The following EDNRB variants were observed in gnomAD, a reference collection of about 807,000 sequenced individuals.
EDNRB encodes endothelin receptor type B, also known as Hirschsprung disease 2.
Under a neutral mutation model 46.4 loss-of-function variants are expected in EDNRB, and 18 were observed. The ratio of observed to expected loss-of-function variants is 0.39; its 90% CI spans 0.27 to 0.57. EDNRB has a LOEUF of 0.57. EDNRB is among the 20% of genes least tolerant of loss of function. EDNRB has a pLI of 0.61. For synonymous variants in EDNRB, 213 were observed against 204.9 expected (o/e 1.04, Z -0.34); for missense variants, 434 against 537.5 (o/e 0.81, Z 1.90).
intron 1 of EDNRB, chr13:77,947,587 T>A (rs1043932756): frequency 6.6e-6 from 1 of 152,114 alleles, no homozygotes; most frequent in African/African-American, 2.4e-5. Flanking sequence ...CCTGCTCCGT[T>A]TCCAACCTGG....
intron 1 of EDNRB, among the ~76,000 whole-genome samples, chr13:77,926,139 C>A (rs79291550): frequency 0.037 from 5,677 of 152,248 alleles, 354 homozygotes; most frequent in African/African-American, 0.13. Context: ...AACTAGCTTG[C>A]TGCACACAGC....
chr13:77,919,522 C>T (rs199556320), upstream of EDNRB: 8 of 1,612,704 alleles, frequency 5.0e-6, no homozygotes, highest in South Asian at 1.1e-5. Context: ...CAGGCGGGTC[C>T]GGCTCTGACG....
intron 3 of EDNRB, among the ~76,000 whole-genome samples, chr13:77,902,935 T>C (rs935982843): frequency 2.0e-5 from 3 of 151,984 alleles, no homozygotes; most frequent in Non-Finnish European, 4.4e-5. Context: ...GGTTTATCTA[T>C]GCCACTGAGA....
At chr13:77,909,036 A>G (rs1879434696) in intron 1 of EDNRB, among the ~76,000 whole-genome samples, 1 of 151,966 alleles carries the variant, frequency 6.6e-6, no homozygotes, top group East Asian at 1.9e-4. Flanking sequence ...ATGATAGCCT[A>G]TGTTTGTGCT....
At chr13:77,959,336 G>A (rs1170818638) in intron 1 of EDNRB, among the ~76,000 whole-genome samples, 1 of 152,174 alleles carries the variant, frequency 6.6e-6, no homozygotes, top group Admixed American at 6.5e-5. Context: ...TCCCCTCTGA[G>A]ACGAAGCTTC....
At chr13:77,952,400 C>T (rs561764067) in intron 1 of EDNRB, among the ~76,000 whole-genome samples, 1 of 152,266 alleles carries the variant, frequency 6.6e-6, no homozygotes, top group African/African-American at 2.4e-5. Flanking sequence ...TATGTGGACA[C>T]TCCTAAGTCT....
chr13:77,916,913 G>C (rs1157645060), intron 1 of EDNRB, among the ~76,000 whole-genome samples: 1 of 108,152 alleles, frequency 9.2e-6, no homozygotes, highest in Non-Finnish European at 2.2e-5. Flanking sequence ...TATTTAGACT[G>C]CTTTTTTTTT....
Position 77,901,090 on chromosome 13 carries a change from T to C in EDNRB, c.919A>G (p.Met307Val), listed in dbSNP as rs1878950097. ...TCEMLRKKSG[M>V]QIALNDHLKQ... Reference sequence around the variant, plus strand: ...AGGTGATCATTTAAAGCAATCTGCATGCCACTTTTCTTTCTCAACATTTCA... The same window carrying C: ...AGGTGATCATTTAAAGCAATCTGCACGCCACTTTTCTTTCTCAACATTTCA... Residue 307 changes from methionine (M) to valine (V), a missense_variant, in exon 4 of 7, where the codon ATG (methionine) becomes GTG (valine). Transcript: ENST00000646607. The C allele has an allele frequency of 1.9e-6, 3 of 1,611,326 alleles. No individual in the cohort carries two copies. The highest frequency in any genetic ancestry group is 2.2e-5 in the East Asian group (1 of 44,686).
Position 77,898,300 on chromosome 13 carries a change from T to C in EDNRB, c.1229A>G (p.Glu410Gly). 1 of 1,612,242 alleles carries C rather than the reference T, an allele frequency of 6.2e-7. No individual in the cohort carries two copies. Among genetic ancestry groups the C allele is most frequent in the South Asian group, 1.1e-5 (1 of 91,044 alleles). The change falls in exon 7 of 7, where the codon GAA becomes GGA. Residue 410 changes from glutamate (E) to glycine (G), a missense_variant. Glu to Gly is a moderately conservative substitution (Grantham distance 98, BLOSUM62 -2). Transcript: ENST00000646607. ...CLCCWCQSFE[E>G]KQSLEEKQSC... ...CTGCTTTTCCTCCAAGGACTGTTTTTCTTCAAATGACTGGCACCAGCAGCA... is the reference window on the plus strand; with the variant it reads ...CTGCTTTTCCTCCAAGGACTGTTTTCCTTCAAATGACTGGCACCAGCAGCA...
At chr13:77,942,011 A>C (rs118121837) in intron 1 of EDNRB, among the ~76,000 whole-genome samples, 2,345 of 152,274 alleles carry the variant, frequency 0.015, 46 homozygotes, top group East Asian at 0.024. Flanking sequence ...CTGACCTGCA[A>C]ATGTTCTGCC....
chr13:77,920,752 C>T (rs1237878618), upstream of EDNRB, among the ~76,000 whole-genome samples: 1 of 152,152 alleles, frequency 6.6e-6, no homozygotes, highest in Non-Finnish European at 1.5e-5. Context: ...CTCCCTGTCT[C>T]GTAAGAACGA....
intron 1 of EDNRB, among the ~76,000 whole-genome samples, chr13:77,915,634 T>C (rs1033615975): frequency 1.3e-5 from 2 of 152,226 alleles, no homozygotes; most frequent in Admixed American, 1.3e-4. Context: ...AGGGTTGTTA[T>C]AGTGACTTAA....
rs762094666 is a variant in EDNRB at position 77,898,292 on chromosome 13, A to T, written c.1237T>A (p.Ser413Thr). ...CWCQSFEEKQ[S>T]LEEKQSCLKF... ...AAGCACGACTGCTTTTCCTCCAAGG[A>T]CTGTTTTTCTTCAAATGACTGGCAC... Residue 413 changes from serine (S) to threonine (T), a missense_variant, in exon 7 of 7, where the codon TCC (serine) becomes ACC (threonine). Ser to Thr is a moderately conservative substitution (Grantham distance 58). Coordinates refer to ENST00000646607, the MANE Select transcript of EDNRB (RefSeq NM_001122659.3). 1 of 1,612,190 alleles carries T rather than the reference A, an allele frequency of 6.2e-7. No individual in the cohort carries two copies. Among genetic ancestry groups the T allele is most frequent in the South Asian group, 1.1e-5 (1 of 91,046 alleles).
Position 77,918,543 on chromosome 13 carries a change from C to T in EDNRB, c.31G>A (p.Ala11Thr). 1 of 1,595,760 alleles carries T rather than the reference C, an allele frequency of 6.3e-7. No individual in the cohort carries two copies. Among genetic ancestry groups the T allele is most frequent in the African/African-American group, 1.4e-5 (1 of 74,050 alleles). ...CAGGCAAGAACCAGCGCAACCAGGG[C>T]GCGTCCGCACAGACTTGGAGGCGGC... MQPPPSLCGR[A>T]LVALVLACGL... The change falls in exon 1 of 7, where the codon GCC becomes ACC. Residue 11 changes from alanine to threonine, a missense_variant. Ala to Thr is a moderately conservative substitution (Grantham distance 58). Transcript: ENST00000646607. This position sits in a 1 kb window ranked among gnomAD's most constrained non-coding sequence, Gnocchi z 4.5.
At chr13:77,973,001 A>T (rs554397442) in intron 1 of EDNRB, among the ~76,000 whole-genome samples, 15 of 152,198 alleles carry the variant, frequency 9.9e-5, no homozygotes, top group African/African-American at 3.6e-4. Context: ...CCACCTTTTG[A>T]TGAGAACGTG....
chr13:77,972,247 G>C (rs777603322), intron 1 of EDNRB, among the ~76,000 whole-genome samples: 2 of 152,170 alleles, frequency 1.3e-5, no homozygotes, highest in Non-Finnish European at 2.9e-5. Flanking sequence ...TAATAGAAAG[G>C]GGAAAATCTG....
chr13:77,960,059 T>G (rs528445349), intron 1 of EDNRB, among the ~76,000 whole-genome samples: 2 of 152,310 alleles, frequency 1.3e-5, no homozygotes, highest in African/African-American at 4.8e-5. Context: ...AATTTACATC[T>G]GATTGGTGTA....
chr13:77,964,299 CTGCTATAAAGACACA>C (rs1418982401), intron 1 of EDNRB, among the ~76,000 whole-genome samples: 3 of 152,158 alleles, frequency 2.0e-5, no homozygotes, highest in South Asian at 2.1e-4. Context: ...ATAAATCATG[CTGCTATAAAGACACA>C]TGCTATAAAG....
upstream of EDNRB, among the ~76,000 whole-genome samples, chr13:77,922,522 C>T (rs75340839): frequency 0.042 from 6,451 of 152,192 alleles, 167 homozygotes; most frequent in Middle Eastern, 0.054. Context: ...ACAAGGTGTG[C>T]GAAAAACACA....
Sources: gnomAD v4.1 joint callset for allele counts (sites outside exome capture counted in the v4.1 genomes callset) on GRCh38, gnomAD v4.1.1 for gene constraint, Gnocchi (gnomAD v3.1) non-coding constraint, MANE v1.5 for transcripts, NCBI Gene and HGNC (gene_info 2026-07-23, HGNC 2026-07-21) for gene names.